The following DICER1 variants were observed in gnomAD, a reference collection of about 807,000 sequenced individuals.
The protein encoded by DICER1 is dicer 1, ribonuclease III.
Under a neutral mutation model 194.1 loss-of-function variants are expected in DICER1, and 43 were observed. That is an observed-to-expected ratio of 0.22 (90% CI 0.17 to 0.29). The LOEUF (loss-of-function observed/expected upper bound fraction) is 0.29, where lower values mean the gene tolerates loss of function less well. Ranked by LOEUF, DICER1 falls within the 10% of genes least tolerant of loss-of-function variation. The pLI is 1.00. For synonymous variants in DICER1, 832 were observed against 820.5 expected, an observed-to-expected ratio of 1.01 and a Z score of -0.24; for missense variants, 1,608 against 2,317.0, an observed-to-expected ratio of 0.69 and a Z score of 6.28.
In DICER1 at chr14:95,103,931, C is replaced by T. The variant is rs377272036; in HGVS notation, c.3465G>A (p.Thr1155=). 3.7e-6 allele frequency: 6 copies of T among 1,614,172 alleles called. No homozygotes were observed. Among genetic ancestry groups the T allele is most frequent in the Middle Eastern group, 1.7e-4 (1 of 6,060 alleles). The change falls in exon 21 of 27, where the codon ACG becomes ACA. Residue 1155 remains threonine, a synonymous_variant. Transcript: ENST00000343455. ...GCTTACCAGGGGACTCGCTGAGCAA[C>T]GTTCTGCAGTTCACAGACATTTGGT... is the stretch of plus-strand genomic sequence containing the variant. ...NHDQMSVNCR[T]LLSESPGKLH...
Position 95,093,992 on chromosome 14 carries a change from A to G in DICER1, c.5260T>C (p.Tyr1754His). The stretch of plus-strand genomic sequence containing the variant: ...GAGACAGCTTTGAAGTACTTGTGGT[A>G]GTCGTACTTTACAGCCAGCGATGCA... ...IFASLAVKYDYHKYFKAVSPE... is the reference protein window; with the variant it reads ...IFASLAVKYDHHKYFKAVSPE... The change falls in exon 24 of 27, where the codon TAC becomes CAC. Residue 1754 changes from tyrosine (Y) to histidine (H), a missense_variant. Tyr to His is a moderately conservative substitution (Grantham distance 83). This residue lies in a region of DICER1 where 138 missense variants were observed against 298.3 expected (regional missense o/e 0.46). Transcript: ENST00000343455. 1 of 1,614,176 alleles carries G rather than the reference A, an allele frequency of 6.2e-7. No homozygotes were observed. Among genetic ancestry groups the G allele is most frequent in the Non-Finnish European group, 8.5e-7 (1 of 1,180,042 alleles).
intron 11 of DICER1, among the ~76,000 whole-genome samples, chr14:95,114,848 A>G (rs1892296404): frequency 6.6e-6 from 1 of 152,168 alleles, no homozygotes; most frequent in Non-Finnish European, 1.5e-5. Context: ...TCATAAGAAA[A>G]TAGCAGACAA....
At chr14:95,092,695 C>T (rs569469483) in intron 24 of DICER1, among the ~76,000 whole-genome samples, 3 of 152,228 alleles carry the variant, frequency 2.0e-5, no homozygotes, top group African/African-American at 7.2e-5. Flanking sequence ...CTTGTAACTT[C>T]TATACATATG....
In DICER1 at chr14:95,116,798, T is replaced by C. The variant is rs1055389666; in HGVS notation, c.1510-103A>G. 79 of 1,180,490 alleles carry C rather than the reference T, an allele frequency of 6.7e-5. 1 individual carries two copies. Among genetic ancestry groups the C allele is most frequent in the Non-Finnish European group, 9.2e-5 (73 of 797,442 alleles). The allele number at this position is 1,180,490 out of a possible 1,614,324, so 73.1% of individuals were successfully genotyped here. A position where few individuals can be genotyped will look rare whatever the true frequency, so the allele number is the denominator to read the frequency against. On this transcript the variant is annotated intron_variant, in intron 9 of 26. Transcript: ENST00000343455. ...TGACAACTGTCATTTCTGACACACATGCTCTTGGGCATTCTAAATCCTTAA... is the reference window on the plus strand; with the variant it reads ...TGACAACTGTCATTTCTGACACACACGCTCTTGGGCATTCTAAATCCTTAA...
intron 1 of DICER1, among the ~76,000 whole-genome samples, chr14:95,147,817 T>C (rs147798172): frequency 5.9e-4 from 90 of 152,186 alleles, no homozygotes; most frequent in Non-Finnish European, 9.6e-4. Context: ...TTAACTGGGG[T>C]TCCCACAACG....
Position 95,088,991 on chromosome 14 carries a change from T to A in DICER1, c.*1507A>T, listed in dbSNP as rs1889560301. The A allele has an allele frequency of 4.3e-6, 1 of 232,356 alleles. No individual in the cohort carries two copies. Among genetic ancestry groups the A allele is most frequent in the African/African-American group, 2.2e-5 (1 of 44,926 alleles). 14.4% of individuals were successfully genotyped at this position (232,356 alleles called of 1,614,324 possible). On this transcript the variant is annotated 3_prime_UTR_variant, in exon 27 of 27. Transcript: ENST00000343455. ...ACCTCTACTGGTATGTTGATGGGAG[T>A]GCAAGACTGACCCACAGCTTTTAAA...
rs1200592297 is a variant in DICER1, at chr14:95,088,564, G to GT, written c.*1933dup. 2 of 231,718 alleles carry GT rather than the reference G, an allele frequency of 8.6e-6. No homozygotes were observed. The highest frequency in any genetic ancestry group is 1.7e-5 in the Non-Finnish European group (2 of 117,158). The allele number at this position is 231,718 out of a possible 1,614,324, so 14.4% of individuals were successfully genotyped here. On this transcript the variant is annotated 3_prime_UTR_variant, in exon 27 of 27. Coordinates refer to ENST00000343455, the MANE Select transcript of DICER1 (RefSeq NM_177438.3). ...TTAACTGGTCATATCTTACATTAAG[G>GT]TTTTTTAAAAAATCAAATAGACATC...
chr14:95,101,275 C>T (rs1890853473), intron 21 of DICER1, among the ~76,000 whole-genome samples: 2 of 152,160 alleles, frequency 1.3e-5, no homozygotes, highest in African/African-American at 4.8e-5. Context: ...AGGGCCTGAA[C>T]AGCAGGCTGA....
At chr14:95,094,405 G>T (rs1890129934) in intron 23 of DICER1, among the ~76,000 whole-genome samples, 1 of 152,172 alleles carries the variant, frequency 6.6e-6, no homozygotes, top group South Asian at 2.1e-4. Flanking sequence ...ACTAACGCTT[G>T]TTAAGAAGGA....
At chr14:95,119,666 C>G (rs574852986) in intron 8 of DICER1, among the ~76,000 whole-genome samples, 1 of 151,894 alleles carries the variant, frequency 6.6e-6, no homozygotes, top group Non-Finnish European at 1.5e-5. Context: ...GTATACTGTT[C>G]CCTAATGCAC....
chr14:95,087,762 C>T lies in DICER1; in HGVS notation c.*2736G>A, dbSNP rs1264248537. 5 of 233,112 alleles carry T rather than the reference C, an allele frequency of 2.1e-5. No homozygotes were observed. The highest frequency in any genetic ancestry group is 2.2e-5 in the African/African-American group (1 of 45,340). The allele number at this position is 233,112 out of a possible 1,614,324, so 14.4% of individuals were successfully genotyped here. A position where few individuals can be genotyped will look rare whatever the true frequency, so the allele number is the denominator to read the frequency against. ...ACACAATCATCATAAGGAATTTCTG[C>T]AGTTGCTTTTTCAAGACACGCCTCC... On this transcript the variant is annotated 3_prime_UTR_variant, in exon 27 of 27. Transcript: ENST00000343455.
At position 95,103,362 on chromosome 14, in the gene DICER1, T is replaced by C. The variant is rs2139953775; in HGVS notation, c.4034A>G (p.Tyr1345Cys). ...ATCTCTTACCTTTTTGCTTCTCATA[T>C]ATGAAAGGCGGCCCTCATGCGCATC... ...YPDAHEGRLSYMRSKKVSNCN... is the reference protein window; with the variant it reads ...YPDAHEGRLSCMRSKKVSNCN... The change falls in exon 21 of 27, where the codon TAT (tyrosine) becomes TGT (cysteine). Residue 1345 changes from tyrosine (Y) to cysteine (C), a missense_variant. Coordinates refer to ENST00000343455, the MANE Select transcript of DICER1 (RefSeq NM_177438.3). The C allele has an allele frequency of 6.2e-7, 1 of 1,614,202 alleles. No homozygotes were observed.
chr14:95,125,292 C>T (rs34244651), intron 7 of DICER1, among the ~76,000 whole-genome samples: 12,561 of 151,714 alleles, frequency 0.083, 624 homozygotes, highest in East Asian at 0.11. Context: ...TGCACTGGGG[C>T]AGCCTCCACA....
intron 1 of DICER1, among the ~76,000 whole-genome samples, chr14:95,156,442 C>G (rs998610377): frequency 6.6e-6 from 1 of 152,234 alleles, no homozygotes; most frequent in Non-Finnish European, 1.5e-5. Context: ...CAACTCATCT[C>G]CACGTTTCCG....
In DICER1 at chr14:95,116,653, C is replaced by G. The variant is rs1595411588; in HGVS notation, c.1552G>C (p.Ala518Pro). 1 of 1,613,458 alleles carries G rather than the reference C, an allele frequency of 6.2e-7. No homozygotes were observed. The highest frequency in any genetic ancestry group is 1.1e-5 in the South Asian group (1 of 91,056). The change falls in exon 10 of 27, where the codon GCA becomes CCA. Residue 518 changes from alanine to proline, a missense_variant. Coordinates refer to ENST00000343455, the MANE Select transcript of DICER1 (RefSeq NM_177438.3). ...ACACCCTCTTCTACAATACTTGTTG[C>G]AATAAGCAGGTTGGTCTCATGTGCT... is the stretch of plus-strand genomic sequence containing the variant. ...FRAHETNLLI[A>P]TSIVEEGVDI...
In DICER1 at chr14:95,115,742, A is replaced by G. The variant is rs1595406385; in HGVS notation, c.1832T>C (p.Phe611Ser). 1 of 1,614,180 alleles carries G rather than the reference A, an allele frequency of 6.2e-7. No individual in the cohort carries two copies. Among genetic ancestry groups the G allele is most frequent in the Non-Finnish European group, 8.5e-7 (1 of 1,180,012 alleles). Reference sequence around the variant, plus strand: ...GTCAGGCCTCAACACATATGGTGGGAAAACGTCATCATCATCCATGACAGG... The same window carrying G: ...GTCAGGCCTCAACACATATGGTGGGGAAACGTCATCATCATCCATGACAGG... ...IDPVMDDDDVFPPYVLRPDDG... is the reference protein window; with the variant it reads ...IDPVMDDDDVSPPYVLRPDDG... The change falls in exon 11 of 27, where the codon TTC becomes TCC. Residue 611 changes from phenylalanine (F) to serine (S), a missense_variant. Phe to Ser is a radical substitution (Grantham distance 155). Around this residue, in one of 10 missense-constraint regions of DICER1, gnomAD observed 657 missense variants for 910.1 expected, o/e 0.72. Transcript: ENST00000343455.
In DICER1 at chr14:95,096,029, A is replaced by C. The variant is rs145551486; in HGVS notation, c.4891T>G (p.Ser1631Ala). ...CAAASVASSRSSVLKDSEYGC... is the reference protein window; with the variant it reads ...CAAASVASSRASVLKDSEYGC... ...TATTCCGAGTCTTTCAATACAGAAGAGCGTGAACTGGCCACAGAAGCAGCA... is the reference window on the plus strand; with the variant it reads ...TATTCCGAGTCTTTCAATACAGAAGCGCGTGAACTGGCCACAGAAGCAGCA... Residue 1631 changes from serine to alanine, a missense_variant, in exon 23 of 27, where the codon TCT becomes GCT. Transcript: ENST00000343455. The C allele has an allele frequency of 2.6e-3, 4,155 of 1,614,238 alleles. 10 individuals carry two copies. The highest frequency in any genetic ancestry group is 3.3e-3 in the Non-Finnish European group (3,931 of 1,180,038).
chr14:95,141,642 C>T (rs1894835107), intron 1 of DICER1: 1 of 152,178 alleles, frequency 6.6e-6, no homozygotes, highest in Non-Finnish European at 1.5e-5. Flanking sequence ...ACAAAGCAGA[C>T]TGGGGCAACC....
intron 1 of DICER1, among the ~76,000 whole-genome samples, chr14:95,140,488 T>G (rs1461951794): frequency 6.6e-6 from 1 of 152,204 alleles, no homozygotes; most frequent in Non-Finnish European, 1.5e-5. Flanking sequence ...CATGTAGGTT[T>G]ATGTTAATTA....
Sources: allele counts gnomAD v4.1 joint callset (sites outside exome capture counted in the v4.1 genomes callset), GRCh38; gene constraint gnomAD v4.1.1; regional missense constraint gnomAD v4.1.1; transcripts MANE v1.5; gene names NCBI Gene and HGNC (gene_info 2026-07-23, HGNC 2026-07-21).